PYGM: variants seen among roughly 807,000 people sequenced by gnomAD.
The protein encoded by PYGM is glycogen phosphorylase, muscle associated, also known as glycogen phosphorylase, muscle form.
PYGM carries 81 observed loss-of-function variants against 99.3 expected under a neutral mutation model. That is an observed-to-expected ratio of 0.82 (90% CI 0.68 to 0.98). The LOEUF is 0.98. Among genes scored for constraint, PYGM ranks in the 50% least tolerant of loss-of-function variants. The pLI, the probability that PYGM is intolerant of heterozygous loss-of-function variation, is 0.00. For synonymous variants in PYGM, 436 were observed against 451.5 expected, an observed-to-expected ratio of 0.97 and a Z score of 0.44; for missense variants, 1,030 against 1,158.1, an observed-to-expected ratio of 0.89 and a Z score of 1.61.
chr11:64,750,269 C>A (rs2058345104), intron 17 of PYGM, 107 bp downstream of exon 17: 6 of 1,257,684 alleles, frequency 4.8e-6, no homozygotes, highest in Non-Finnish European at 7.0e-6. Context: ...ATGACCAAGA[C>A]CTTGCTGGGC....
At chr11:64,747,570 C>A in intron 17 of PYGM, 1 of 607,990 alleles carries the variant, frequency 1.6e-6, no homozygotes, top group South Asian at 1.9e-5. Context: ...AACTGAGGCC[C>A]GGAGGATACA....
intron 16 of PYGM, among the ~76,000 whole-genome samples, 193 bp from the exon 17 acceptor site, chr11:64,750,776 A>G (rs1195065208): frequency 1.3e-5 from 2 of 152,276 alleles, no homozygotes; most frequent in Middle Eastern, 3.4e-3. Flanking sequence ...ATTCTTGACC[A>G]TCTAGGTCCA....
rs988759332 is a variant in PYGM, at chr11:64,754,403, T to A, written c.1000-58A>T. ...AAACCACATTCCATGCTATGGTCAC[T>A]GCCCTATGCCATTTGGAGGCCCCCA... On this transcript the variant is annotated intron_variant, in intron 8 of 19. Transcript: ENST00000164139. The surrounding 1 kb of genome is among the most constrained non-coding windows in gnomAD (Gnocchi z 5.5). 9.1e-6 allele frequency: 13 copies of A among 1,426,808 alleles called. No individual in the cohort carries two copies. Among genetic ancestry groups the A allele is most frequent in the Non-Finnish European group, 1.3e-5 (13 of 1,014,166 alleles). 88.4% of individuals were successfully genotyped at this position (1,426,808 alleles called of 1,614,324 possible).
intron 16 of PYGM, 72 bp downstream of exon 16, chr11:64,751,253 G>A: frequency 3.8e-6 from 6 of 1,595,792 alleles, no homozygotes; most frequent in Non-Finnish European, 5.1e-6. Context: ...ATCCCAGGAA[G>A]AGACGACTGA....
At position 64,755,354 on chromosome 11, in the gene PYGM, G is replaced by A; in HGVS notation, c.774C>T (p.Phe258=). 1 of 1,614,138 alleles carries A rather than the reference G, an allele frequency of 6.2e-7. No homozygotes were observed. The highest frequency in any genetic ancestry group is 8.5e-7 in the Non-Finnish European group (1 of 1,179,996). Residue 258 remains phenylalanine, a splice_region_variant and synonymous_variant, in exon 7 of 20, where the codon TTC becomes TTT. Transcript: ENST00000164139. The surrounding 1 kb of genome is among the most constrained non-coding windows in gnomAD (Gnocchi z 4.1). ...CAGCCTGGATGTAGCCACCGACATT[G>A]ACTGAGGGACAAAAGTGGGGACAGG... ...KAPNDFNLKD[F]NVGGYIQAVL...
At chr11:64,747,065 C>T in intron 18 of PYGM, 78 bp from the exon 19 acceptor site, 3 of 1,579,810 alleles carry the variant, frequency 1.9e-6, no homozygotes, top group Non-Finnish European at 2.6e-6. Context: ...GCCAAGCCTG[C>T]CCTGTCCCAG....
chr11:64,749,080 G>A (rs887553011), intron 17 of PYGM, among the ~76,000 whole-genome samples: 1 of 151,442 alleles, frequency 6.6e-6, no homozygotes, highest in Non-Finnish European at 1.5e-5. Flanking sequence ...AGGCGCAGTG[G>A]CTCACCCCTG....
At chr11:64,753,031 G>A (rs754354114) in intron 12 of PYGM, 42 bp downstream of exon 12, 2 of 1,517,258 alleles carry the variant, frequency 1.3e-6, no homozygotes, top group South Asian at 1.1e-5. Context: ...GATCCCTGCA[G>A]GGACCCATGT....
chr11:64,746,538 G>A lies in PYGM; in HGVS notation c.*121C>T. Reference sequence around the variant, plus strand: ...CTGGGACATTGAGAGTGGGGAAAATGAGGGTTCCAGGAGGGGCTTAGAGAT... The same window carrying A: ...CTGGGACATTGAGAGTGGGGAAAATAAGGGTTCCAGGAGGGGCTTAGAGAT... On this transcript the variant is annotated 3_prime_UTR_variant, in exon 20 of 20. Coordinates refer to ENST00000164139, the MANE Select transcript of PYGM (RefSeq NM_005609.4). 7.3e-7 allele frequency: 1 copy of A among 1,370,412 alleles called. No homozygotes were observed. The allele number at this position is 1,370,412 out of a possible 1,614,324, so 84.9% of individuals were successfully genotyped here.
Position 64,755,423 on chromosome 11 carries a change from C to T in PYGM, c.772+24G>A. On this transcript the variant is annotated intron_variant, in intron 6 of 19. Transcript: ENST00000164139. The surrounding 1 kb of genome is among the most constrained non-coding windows in gnomAD (Gnocchi z 4.1). Reference sequence around the variant, plus strand: ...GTGGCCGGCGGGCAAGCTGGGGTTGCTGGCTACCAGTGGATGAACTCACAG... The same window carrying T: ...GTGGCCGGCGGGCAAGCTGGGGTTGTTGGCTACCAGTGGATGAACTCACAG... 2 of 1,613,214 alleles carry T rather than the reference C, an allele frequency of 1.2e-6. No homozygotes were observed. Among genetic ancestry groups the T allele is most frequent in the African/African-American group, 1.3e-5 (1 of 75,042 alleles).
Position 64,751,667 on chromosome 11 carries a change from C to A in PYGM, c.1769-12G>T. The A allele has an allele frequency of 1.2e-6, 2 of 1,613,902 alleles. No individual in the cohort carries two copies. The highest frequency in any genetic ancestry group is 1.7e-6 in the Non-Finnish European group (2 of 1,179,860). ...CTCCCTCTTGATGCCTGTGGAGAAA[C>A]GAGAGGGATCCAGTGGGCCTACCTT... On this transcript the variant is annotated splice_polypyrimidine_tract_variant and intron_variant, in intron 14 of 19. Transcript: ENST00000164139.
rs756882699 is a variant in PYGM at position 64,758,627 on chromosome 11, A to G, written c.321T>C (p.Asn107=). ...CCTGGTAGGTGGCCTCGTCACAGGC[A>G]TTCTCTAAGGCCAGGTTCACCATGG... ...QNTMVNLALE[N]ACDEATYQLG... The change falls in exon 2 of 20, where the codon AAT becomes AAC. Residue 107 remains asparagine, a synonymous_variant. Coordinates refer to ENST00000164139, the MANE Select transcript of PYGM (RefSeq NM_005609.4). The G allele has an allele frequency of 6.2e-7, 1 of 1,613,610 alleles. No homozygotes were observed. The highest frequency in any genetic ancestry group is 1.7e-5 in the Admixed American group (1 of 60,018).
At chr11:64,749,073 C>T (rs1241801208) in intron 17 of PYGM, among the ~76,000 whole-genome samples, 1 of 150,464 alleles carries the variant, frequency 6.6e-6, no homozygotes, top group African/African-American at 2.5e-5. Flanking sequence ...ATAGGCCAGG[C>T]GCAGTGGCTC....
In PYGM at chr11:64,755,416, G is replaced by A; in HGVS notation, c.772+31C>T. On this transcript the variant is annotated intron_variant, in intron 6 of 19. Coordinates refer to ENST00000164139, the MANE Select transcript of PYGM (RefSeq NM_005609.4). The surrounding 1 kb of genome is among the most constrained non-coding windows in gnomAD (Gnocchi z 4.1). ...GCTGGGCGTGGCCGGCGGGCAAGCT[G>A]GGGTTGCTGGCTACCAGTGGATGAA... The A allele has an allele frequency of 6.2e-7, 1 of 1,612,892 alleles. No individual in the cohort carries two copies. The highest frequency in any genetic ancestry group is 8.5e-7 in the Non-Finnish European group (1 of 1,178,850).
rs758650710 is a variant in PYGM at position 64,758,437 on chromosome 11, C to T, written c.424G>A (p.Ala142Thr). ...CACCCTCACGGCCCTGTCTTCTTAC[C>T]TGCCAGCCGGCCCAGGCCCCCGTTG... ...LGNGGLGRLA[A>T]CFLDSMATLG... The change falls in exon 3 of 20, where the codon GCC becomes ACC. Residue 142 changes from alanine (A) to threonine (T), a missense_variant and splice_region_variant. Coordinates refer to ENST00000164139, the MANE Select transcript of PYGM (RefSeq NM_005609.4). 5 of 1,613,856 alleles carry T rather than the reference C, an allele frequency of 3.1e-6. No homozygotes were observed. In the South Asian group the frequency reaches 4.4e-5, roughly 14 times the overall value.
Position 64,754,787 on chromosome 11 carries a change from G to A in PYGM, c.905C>T (p.Ala302Val). 1.2e-6 allele frequency: 2 copies of A among 1,613,990 alleles called. No homozygotes were observed. Among genetic ancestry groups the A allele is most frequent in the Non-Finnish European group, 1.7e-6 (2 of 1,180,002 alleles). The stretch of plus-strand genomic sequence containing the variant: ...ACGGATGATGTCCTGGAGGGTGGCA[G>A]CCACCACGAAATACTCCTGCTTCAG... ...LRLKQEYFVV[A>V]ATLQDIIRRF... Residue 302 changes from alanine to valine, a missense_variant, in exon 8 of 20, where the codon GCT becomes GTT. Physicochemically the swap from Ala to Val is moderately conservative, Grantham distance 64 (BLOSUM62 0). Transcript: ENST00000164139. The surrounding 1 kb of genome is among the most constrained non-coding windows in gnomAD (Gnocchi z 5.5).
chr11:64,749,810 T>TG (rs2058341302), intron 17 of PYGM, among the ~76,000 whole-genome samples: 3 of 143,856 alleles, frequency 2.1e-5, no homozygotes, highest in Non-Finnish European at 4.5e-5. Flanking sequence ...TTTTTTTTTT[T>TG]GAGGCAGAGT....
chr11:64,757,854 G>GGGCC lies in PYGM; in HGVS notation c.581_584dup (p.Glu196AlafsTer58). ...AGAAGTGCACAGGTAGCGTGAACTCGGGCCGGGCCTTCTCCCAGGGGTTGC... is the reference window on the plus strand; with the variant it reads ...AGAAGTGCACAGGTAGCGTGAACTCGGGCCGGCCGGGCCTTCTCCCAGGGGTTGC... On this transcript the variant is annotated frameshift_variant, in exon 5 of 20. Transcript: ENST00000164139. LOFTEE classifies it high-confidence loss of function. The GGGCC allele has an allele frequency of 6.2e-7, 1 of 1,614,142 alleles. No homozygotes were observed. Among genetic ancestry groups the GGGCC allele is most frequent in the Non-Finnish European group, 8.5e-7 (1 of 1,180,040 alleles).
Position 64,746,801 on chromosome 11 carries a change from C to T in PYGM, c.2387G>A (p.Arg796Lys). The T allele has an allele frequency of 6.2e-7, 1 of 1,614,184 alleles. No individual in the cohort carries two copies. The highest frequency in any genetic ancestry group is 8.5e-7 in the Non-Finnish European group (1 of 1,180,024). The part of the protein sequence containing the change: ...EKVSALYKNP[R>K]EWTRMVIRNI... ...CCGGATCACCATCCGCGTCCACTCT[C>T]TTGGGTTCTGCAGGTCAAAGGGAAG... The change falls in exon 20 of 20, where the codon AGA becomes AAA. Residue 796 changes from arginine to lysine, a missense_variant. Coordinates refer to ENST00000164139, the MANE Select transcript of PYGM (RefSeq NM_005609.4).
Sources: gnomAD v4.1 joint callset for allele counts (sites outside exome capture counted in the v4.1 genomes callset) on GRCh38, gnomAD v4.1.1 for gene constraint, Gnocchi (gnomAD v3.1) non-coding constraint, MANE v1.5 for transcripts, NCBI Gene and HGNC (gene_info 2026-07-23, HGNC 2026-07-21) for gene names.